GABRA4: variants seen among roughly 807,000 people sequenced by gnomAD.
The protein encoded by GABRA4 is gamma-aminobutyric acid type A receptor subunit alpha4.
GABRA4 carries 12 observed loss-of-function variants against 49.7 expected under a neutral mutation model. That is an observed-to-expected ratio of 0.24 (90% CI 0.15 to 0.39). The LOEUF is 0.39. Among genes scored for constraint, GABRA4 ranks in the 10% least tolerant of loss-of-function variants. The pLI, the probability that GABRA4 is intolerant of heterozygous loss-of-function variation, is 1.00. For synonymous variants in GABRA4, 288 were observed against 240.2 expected, an observed-to-expected ratio of 1.20 and a Z score of -1.84; for missense variants, 506 against 686.0, an observed-to-expected ratio of 0.74 and a Z score of 2.93.
chr4:46,951,792 G>C (rs1479604106), intron 8 of GABRA4, among the ~76,000 whole-genome samples: 1 of 119,180 alleles, frequency 8.4e-6, no homozygotes, highest in Non-Finnish European at 1.8e-5. Context: ...ATATATGTGT[G>C]TACGTGTGTG....
chr4:46,966,925 T>C (rs1204871177), intron 7 of GABRA4, among the ~76,000 whole-genome samples: 1 of 151,760 alleles, frequency 6.6e-6, no homozygotes, highest in Non-Finnish European at 1.5e-5. Context: ...AAATGCTATA[T>C]TGTGAATTTA....
intron 8 of GABRA4, among the ~76,000 whole-genome samples, chr4:46,964,174 T>A (rs1328631095): frequency 1.3e-5 from 2 of 151,832 alleles, no homozygotes; most frequent in East Asian, 3.9e-4. Flanking sequence ...AAGATAAACC[T>A]TGCATGTTCT....
At chr4:46,969,140 C>T (rs1560477080) in intron 7 of GABRA4, among the ~76,000 whole-genome samples, 1 of 151,552 alleles carries the variant, frequency 6.6e-6, no homozygotes, top group East Asian at 1.9e-4. Context: ...GTGATAGTCC[C>T]TTGGTTAGAA....
chr4:46,936,410 C>T (rs545692690), intron 8 of GABRA4, among the ~76,000 whole-genome samples: 4 of 152,204 alleles, frequency 2.6e-5, no homozygotes, highest in Non-Finnish European at 4.4e-5. Flanking sequence ...CCACCACACC[C>T]GGCTAATTTT....
At chr4:46,943,563 T>C (rs1265797409) in intron 8 of GABRA4, among the ~76,000 whole-genome samples, 3 of 152,156 alleles carry the variant, frequency 2.0e-5, no homozygotes, top group African/African-American at 7.2e-5. Context: ...AACAATTATA[T>C]GGCATAGCAT....
intron 2 of GABRA4, 129 bp from the exon 3 acceptor site, chr4:46,979,227 G>T: frequency 1.6e-6 from 1 of 617,632 alleles, no homozygotes; most frequent in African/African-American, 1.9e-5. Context: ...CATTTTCAGT[G>T]AGATAATGAA....
chr4:46,990,427 G>A (rs1047349589), intron 2 of GABRA4, among the ~76,000 whole-genome samples: 1 of 152,090 alleles, frequency 6.6e-6, no homozygotes, highest in Non-Finnish European at 1.5e-5. Flanking sequence ...CATATACAAT[G>A]GATCCCTTCT....
At chr4:46,983,031 T>A (rs1317525266) in intron 2 of GABRA4, among the ~76,000 whole-genome samples, 1 of 152,066 alleles carries the variant, frequency 6.6e-6, no homozygotes, top group Non-Finnish European at 1.5e-5. Flanking sequence ...ATATACTATT[T>A]CATGTAATCC....
At position 46,925,594 on chromosome 4, in the gene GABRA4, G is replaced by C. The variant is rs1427811205; in HGVS notation, c.*2631C>G. 2 of 151,498 alleles carry C rather than the reference G, an allele frequency of 1.3e-5. No individual in the cohort carries two copies. Among genetic ancestry groups the C allele is most frequent in the Admixed American group, 6.6e-5 (1 of 15,144 alleles). 9.4% of individuals were successfully genotyped at this position (151,498 alleles called of 1,614,324 possible). On this transcript the variant is annotated 3_prime_UTR_variant, in exon 9 of 9. Coordinates refer to ENST00000264318, the MANE Select transcript of GABRA4 (RefSeq NM_000809.4). Reference sequence around the variant, plus strand: ...ATTTTCTAAGAGGGAAAAGTGACTGGCTCTTTGCAAAAGTGTTTTTACTTG... The same window carrying C: ...ATTTTCTAAGAGGGAAAAGTGACTGCCTCTTTGCAAAAGTGTTTTTACTTG...
intron 1 of GABRA4, 126 bp downstream of exon 1, chr4:46,993,213 C>G: frequency 1.1e-6 from 1 of 872,958 alleles, no homozygotes; most frequent in Admixed American, 2.0e-5. Context: ...GGCTTCGGCC[C>G]CTGCTCTTAC....
intron 8 of GABRA4, among the ~76,000 whole-genome samples, chr4:46,960,180 A>G (rs1722521777): frequency 6.6e-6 from 1 of 151,866 alleles, no homozygotes; most frequent in African/African-American, 2.4e-5. Context: ...AAAACATTAT[A>G]TGGGAATAAA....
rs139076690 is a variant in GABRA4 at position 46,941,952 on chromosome 4, A to G, written c.1135-13197T>C. On this transcript the variant is annotated intron_variant, in intron 8 of 8. Coordinates refer to ENST00000264318, the MANE Select transcript of GABRA4 (RefSeq NM_000809.4). ...ATTCTACTTAATATTAACAACTTAA[A>G]AATATTTGCACTTACTCAAAATATA... Among the ~76,000 whole-genome samples, 20 of 152,276 alleles carry G rather than the reference A, an allele frequency of 1.3e-4. No homozygotes were observed. The East Asian group carries it at 3.7e-3, about 28-fold the overall frequency.
In GABRA4 at chr4:46,928,422, C is replaced by T; in HGVS notation, c.1468G>A (p.Val490Ile). The change falls in exon 9 of 9, where the codon GTT becomes ATT. Residue 490 changes from valine (V) to isoleucine (I), a missense_variant. Coordinates refer to ENST00000264318, the MANE Select transcript of GABRA4 (RefSeq NM_000809.4). ...GSRLQRIKTT[V>I]NTIGATGKLS... ...TTCCCAGTAGCCCCTATGGTATTAA[C>T]TGTGGTCTTTATCCTCTGCAGTCTT... is the stretch of plus-strand genomic sequence containing the variant. The T allele has an allele frequency of 5.6e-6, 9 of 1,613,680 alleles. No individual in the cohort carries two copies. The highest frequency in any genetic ancestry group is 7.6e-6 in the Non-Finnish European group (9 of 1,179,702).
At chr4:46,987,848 C>T (rs1020958906) in intron 2 of GABRA4, among the ~76,000 whole-genome samples, 17 of 152,224 alleles carry the variant, frequency 1.1e-4, no homozygotes, top group Middle Eastern at 3.4e-3. Flanking sequence ...CTAACTCAAA[C>T]CATGTCATTC....
intron 8 of GABRA4, among the ~76,000 whole-genome samples, chr4:46,931,595 C>A (rs1721438714): frequency 6.6e-6 from 1 of 152,120 alleles, no homozygotes; most frequent in South Asian, 2.1e-4. Flanking sequence ...CTTACCCACT[C>A]CTGACCCATC....
chr4:46,952,755 C>T (rs1722215666), intron 8 of GABRA4, among the ~76,000 whole-genome samples: 1 of 151,914 alleles, frequency 6.6e-6, no homozygotes, highest in South Asian at 2.1e-4. Context: ...TTGTTTAAAG[C>T]AGTTGTTTAT....
rs868438991 is a variant in GABRA4 at position 46,977,634 on chromosome 4, G to A, written c.274-4C>T. The A allele has an allele frequency of 6.3e-7, 1 of 1,591,098 alleles. No homozygotes were observed. The highest frequency in any genetic ancestry group is 1.7e-5 in the Admixed American group (1 of 57,556). ...AGAACACATCCATTGTGTATTCCTAGGACAATTATTTTGGAACATATTTAA... is the reference window on the plus strand; with the variant it reads ...AGAACACATCCATTGTGTATTCCTAAGACAATTATTTTGGAACATATTTAA... On this transcript the variant is annotated splice_polypyrimidine_tract_variant and splice_region_variant and intron_variant, in intron 3 of 8. Coordinates refer to ENST00000264318, the MANE Select transcript of GABRA4 (RefSeq NM_000809.4).
At chr4:46,957,880 C>T (rs554661450) in intron 8 of GABRA4, among the ~76,000 whole-genome samples, 117 of 151,886 alleles carry the variant, frequency 7.7e-4, no homozygotes, top group Non-Finnish European at 1.4e-3. Context: ...TGTTAGAATT[C>T]AAGTATAGAC....
intron 8 of GABRA4, among the ~76,000 whole-genome samples, chr4:46,930,309 T>C (rs1721384361): frequency 6.6e-6 from 1 of 152,224 alleles, no homozygotes; most frequent in African/African-American, 2.4e-5. Context: ...AGTTTTCCTC[T>C]ATACAGAACA....
Sources: gnomAD v4.1 joint callset for allele counts (sites outside exome capture counted in the v4.1 genomes callset) on GRCh38, gnomAD v4.1.1 for gene constraint, MANE v1.5 for transcripts, NCBI Gene and HGNC (gene_info 2026-07-23, HGNC 2026-07-21) for gene names.